Variants in DCP1A observed in about 807,000 individuals in gnomAD.
DCP1A encodes mRNA-decapping enzyme 1A.
A neutral mutation model predicts 58.0 loss-of-function variants in DCP1A; 20 were observed. The observed-to-expected ratio is 0.34, with a 90% confidence interval of 0.24 to 0.50. The LOEUF (loss-of-function observed/expected upper bound fraction) is 0.50. Ranked by LOEUF, DCP1A falls within the 20% of genes least tolerant of loss-of-function variation. The probability of loss-of-function intolerance (pLI) is 0.98; values close to 1 mark genes in which losing one functional copy is unlikely to be tolerated. For synonymous variants in DCP1A, 285 were observed against 275.1 expected (o/e 1.04, Z -0.36); for missense variants, 613 against 712.2 (o/e 0.86, Z 1.59).
intron 8 of DCP1A, among the ~76,000 whole-genome samples, chr3:53,289,031 G>C (rs1294104384): frequency 9.3e-5 from 14 of 150,828 alleles, no homozygotes; most frequent in Admixed American, 5.3e-4. Context: ...TTTTTTTTAA[G>C]GCAGGGTCTC....
intron 6 of DCP1A, 56 bp from the exon 7 acceptor site, chr3:53,292,883 C>A: frequency 6.6e-7 from 1 of 1,512,758 alleles, no homozygotes; most frequent in Non-Finnish European, 8.8e-7. Flanking sequence ...TCAGCATAAC[C>A]AAACTTCTTT....
intron 4 of DCP1A, among the ~76,000 whole-genome samples, chr3:53,317,010 T>A (rs1707833611): frequency 6.6e-6 from 1 of 152,174 alleles, no homozygotes; most frequent in South Asian, 2.1e-4. Context: ...TCAATAGTTG[T>A]TAGAGCTAAA....
chr3:53,321,588 G>A (rs938915276), intron 3 of DCP1A, among the ~76,000 whole-genome samples: 7 of 152,070 alleles, frequency 4.6e-5, no homozygotes, highest in East Asian at 1.9e-4. Flanking sequence ...GCATGGTAGC[G>A]CATGCCCGTA....
chr3:53,345,080 G>T, intron 1 of DCP1A, 138 bp from the exon 2 acceptor site: 3 of 657,146 alleles, frequency 4.6e-6, no homozygotes, highest in Non-Finnish European at 7.8e-6. Context: ...TTTTGAACAG[G>T]TAAAGTCTCC....
intron 4 of DCP1A, among the ~76,000 whole-genome samples, chr3:53,317,115 T>C (rs527338806): frequency 6.6e-6 from 1 of 152,308 alleles, no homozygotes; most frequent in East Asian, 1.9e-4. Flanking sequence ...AAAATCTGGA[T>C]TTCTGGATAA....
intron 3 of DCP1A, among the ~76,000 whole-genome samples, chr3:53,331,899 G>T (rs1366594996): frequency 4.6e-5 from 7 of 152,230 alleles, no homozygotes; most frequent in Non-Finnish European, 8.8e-5. Context: ...GTATTACTCG[G>T]TGAGGTGTGC....
chr3:53,337,559 A>G (rs2089138416), intron 3 of DCP1A, among the ~76,000 whole-genome samples: 1 of 152,258 alleles, frequency 6.6e-6, no homozygotes, highest in African/African-American at 2.4e-5. Flanking sequence ...CAGTAAGGCA[A>G]AGCCCAGAAT....
chr3:53,294,192 G>T (rs567742578), intron 6 of DCP1A, among the ~76,000 whole-genome samples: 1 of 152,244 alleles, frequency 6.6e-6, no homozygotes, highest in Non-Finnish European at 1.5e-5. Context: ...CATGTCCAGG[G>T]GATGAGCCAT....
chr3:53,287,342 C>CTTTTTT lies in DCP1A; in HGVS notation c.*232_*237dup, dbSNP rs35716152. 5 of 166,410 alleles carry CTTTTTT rather than the reference C, an allele frequency of 3.0e-5. No individual in the cohort carries two copies. The highest frequency in any genetic ancestry group is 1.7e-4 in the African/African-American group (4 of 22,878). The allele number at this position is 166,410 out of a possible 1,614,324, so 10.3% of individuals were successfully genotyped here. On this transcript the variant is annotated 3_prime_UTR_variant, in exon 10 of 10. Transcript: ENST00000610213. The stretch of plus-strand genomic sequence containing the variant: ...CATAACTTAACACAATGATCGCTCT[C>CTTTTTT]TTTTTTTTTTTTTTTTTTTTTTTTT...
At chr3:53,312,790 C>T (rs952761354) in intron 4 of DCP1A, among the ~76,000 whole-genome samples, 2 of 152,044 alleles carry the variant, frequency 1.3e-5, no homozygotes, top group Non-Finnish European at 2.9e-5. Context: ...CGCGCCCAGC[C>T]GATTACATTA....
chr3:53,321,444 G>A (rs1707963436), intron 3 of DCP1A, among the ~76,000 whole-genome samples: 1 of 152,218 alleles, frequency 6.6e-6, no homozygotes, highest in African/African-American at 2.4e-5. Context: ...GTCAGGCTGG[G>A]CATGGTGGCT....
Position 53,291,919 on chromosome 3 carries a change from T to C in DCP1A, c.1383+150A>G, listed in dbSNP as rs905031334. ...ACTTGGTTGTTCATGATAGGGCTTC[T>C]TACCTCACCTGTCTCCGAGCCTCTG... On this transcript the variant is annotated intron_variant, in intron 7 of 9. Coordinates refer to ENST00000610213, the MANE Select transcript of DCP1A (RefSeq NM_018403.7). 8.8e-6 allele frequency: 7 copies of C among 799,778 alleles called. No individual in the cohort carries two copies. In the African/African-American group the frequency reaches 1.0e-4, roughly 12 times the overall value. 49.5% of individuals were successfully genotyped at this position (799,778 alleles called of 1,614,324 possible). A position where few individuals can be genotyped will look rare whatever the true frequency, so the allele number is the denominator to read the frequency against.
chr3:53,297,125 G>A (rs1707152292), intron 6 of DCP1A, among the ~76,000 whole-genome samples: 2 of 152,126 alleles, frequency 1.3e-5, no homozygotes, highest in Non-Finnish European at 2.9e-5. Context: ...ATCCTAATGA[G>A]TATGAAGTGA....
At chr3:53,306,032 A>C (rs1217673117) in intron 5 of DCP1A, among the ~76,000 whole-genome samples, 1 of 152,242 alleles carries the variant, frequency 6.6e-6, no homozygotes, top group African/African-American at 2.4e-5. Context: ...AAAACAGTTC[A>C]GAAAATGCAA....
chr3:53,285,148 G>C lies in DCP1A; in HGVS notation c.*2432C>G, dbSNP rs1015334275. 6.6e-6 allele frequency: 1 copy of C among 152,156 alleles called. No individual in the cohort carries two copies. The highest frequency in any genetic ancestry group is 2.4e-5 in the African/African-American group (1 of 41,404). The allele number at this position is 152,156 out of a possible 1,614,324, so 9.4% of individuals were successfully genotyped here. On this transcript the variant is annotated 3_prime_UTR_variant, in exon 10 of 10. Coordinates refer to ENST00000610213, the MANE Select transcript of DCP1A (RefSeq NM_018403.7). ...GGGGGTGGGCACACAAATGGACAGA[G>C]TGGTCTAAATGCAGGTCTCCTGGGG...
intron 1 of DCP1A, 150 bp downstream of exon 1, chr3:53,347,233 C>T: frequency 1.0e-6 from 1 of 956,826 alleles, no homozygotes; most frequent in Non-Finnish European, 1.4e-6. Flanking sequence ...CGACACCCCT[C>T]AGGCTCTGGC....
chr3:53,327,132 A>G (rs1253133929), intron 3 of DCP1A, among the ~76,000 whole-genome samples: 1 of 152,170 alleles, frequency 6.6e-6, no homozygotes, highest in Non-Finnish European at 1.5e-5. Flanking sequence ...ATCTATAGTT[A>G]GGGATCTGGG....
intron 3 of DCP1A, among the ~76,000 whole-genome samples, chr3:53,322,153 T>C (rs182267766): frequency 4.6e-5 from 7 of 152,274 alleles, no homozygotes; most frequent in Admixed American, 2.6e-4. Flanking sequence ...AAATCTTAAC[T>C]TTAAAAGTTT....
intron 6 of DCP1A, among the ~76,000 whole-genome samples, chr3:53,302,059 C>A (rs1490743094): frequency 1.3e-5 from 2 of 152,066 alleles, no homozygotes; most frequent in African/African-American, 4.8e-5. Flanking sequence ...TATTTAGCAT[C>A]TTGACTGTGG....
Sources: allele counts gnomAD v4.1 joint callset (sites outside exome capture counted in the v4.1 genomes callset), GRCh38; gene constraint gnomAD v4.1.1; transcripts MANE v1.5; gene names NCBI Gene and HGNC (gene_info 2026-07-23, HGNC 2026-07-21).